The following SHPK variants were observed in gnomAD, a reference collection of about 807,000 sequenced individuals.
SHPK encodes the protein carbohydrate kinase-like protein.
In SHPK, 51 loss-of-function variants were observed where a neutral mutation model predicts 46.3. The observed-to-expected ratio is 1.10, with a 90% CI of 0.88 to 1.39. SHPK has a LOEUF of 1.39. Among genes scored for constraint, SHPK ranks in the 40% most tolerant of loss-of-function variants. The probability of loss-of-function intolerance (pLI) is 0.00; values close to 1 mark genes in which losing one functional copy is unlikely to be tolerated. For synonymous variants in SHPK, 290 were observed against 273.9 expected (o/e 1.06, Z -0.58); for missense variants, 668 against 641.3 (o/e 1.04, Z -0.45).
At chr17:3,628,134 C>A (rs2075449017) in intron 2 of SHPK, among the ~76,000 whole-genome samples, 1 of 152,040 alleles carries the variant, frequency 6.6e-6, no homozygotes, top group African/African-American at 2.4e-5. Context: ...TGCCGACTCT[C>A]CATGTAGAGA....
chr17:3,622,569 T>A (rs2075409362), intron 4 of SHPK: 1 of 985,022 alleles, frequency 1.0e-6, no homozygotes. Context: ...CTTTTTGTTT[T>A]ATTTCAGAGC....
intron 5 of SHPK, among the ~76,000 whole-genome samples, chr17:3,617,836 C>T (rs1231519545): frequency 6.6e-6 from 1 of 152,142 alleles, no homozygotes; most frequent in Non-Finnish European, 1.5e-5. Context: ...AAAAGGAGAA[C>T]TAGATAACTG....
At chr17:3,635,164 T>A (rs1220892156) in intron 1 of SHPK, among the ~76,000 whole-genome samples, 1 of 89,994 alleles carries the variant, frequency 1.1e-5, no homozygotes, top group African/African-American at 3.4e-5. Context: ...AGAGCGAGAC[T>A]TGGTAAGAAA....
Position 3,610,661 on chromosome 17 carries a change from T to G in SHPK, c.1336A>C (p.Arg446=). Residue 446 remains arginine (R), a synonymous_variant, in exon 7 of 7, where the codon AGG becomes CGG. Transcript: ENST00000225519. Reference sequence around the variant, plus strand: ...AAGGACATGGGCAAAGGGAAAGCCCTCTGCACCTCCTGCTTCAGCACGTCA... The same window carrying G: ...AAGGACATGGGCAAAGGGAAAGCCCGCTGCACCTCCTGCTTCAGCACGTCA... The part of the protein sequence containing the change: ...RNDVLKQEVQ[R]AFPLPMSFGQ... 6.2e-7 allele frequency: 1 copy of G among 1,614,020 alleles called. No homozygotes were observed. Among genetic ancestry groups the G allele is most frequent in the Non-Finnish European group, 8.5e-7 (1 of 1,180,010 alleles).
At chr17:3,625,389 G>A (rs1426998422) in intron 2 of SHPK, among the ~76,000 whole-genome samples, 1 of 152,172 alleles carries the variant, frequency 6.6e-6, no homozygotes, top group Non-Finnish European at 1.5e-5. Context: ...AAGTACTGCA[G>A]CTCCCGCCCA....
chr17:3,622,906 T>C (rs896167651), intron 4 of SHPK, among the ~76,000 whole-genome samples: 1 of 152,118 alleles, frequency 6.6e-6, no homozygotes, highest in Non-Finnish European at 1.5e-5. Flanking sequence ...GGTTTCGCCA[T>C]GTTGCCCAGG....
At chr17:3,622,670 G>T in intron 4 of SHPK, 1 of 764,016 alleles carries the variant, frequency 1.3e-6, no homozygotes, top group Non-Finnish European at 1.6e-6. Context: ...GAACTTAAAA[G>T]GCATCCTTCA....
intron 6 of SHPK, 85 bp downstream of exon 6, chr17:3,615,252 G>A (rs1016298265): frequency 2.4e-5 from 32 of 1,351,176 alleles, no homozygotes; most frequent in Middle Eastern, 1.8e-4. Context: ...CGCTGAAACC[G>A]CACATGAAGC....
intron 1 of SHPK, among the ~76,000 whole-genome samples, chr17:3,632,933 G>A (rs1364152796): frequency 1.4e-5 from 2 of 146,594 alleles, no homozygotes; most frequent in East Asian, 4.1e-4. Context: ...TGAGTGAAAA[G>A]TATGAACTTG....
At chr17:3,621,470 G>C in intron 4 of SHPK, 58 bp from the exon 5 acceptor site, 1 of 1,516,684 alleles carries the variant, frequency 6.6e-7, no homozygotes, top group Non-Finnish European at 9.0e-7. Flanking sequence ...GGAATTTAAG[G>C]GATCCTTCCT....
At chr17:3,619,544 C>A in intron 5 of SHPK, 2 of 498,216 alleles carry the variant, frequency 4.0e-6, no homozygotes, top group South Asian at 1.9e-5. Context: ...ACCATCCTGG[C>A]CAACATGGTG....
chr17:3,616,355 C>T (rs1419233833), intron 5 of SHPK, among the ~76,000 whole-genome samples: 4 of 152,306 alleles, frequency 2.6e-5, no homozygotes, highest in Admixed American at 1.3e-4. Flanking sequence ...GGTGCCACGT[C>T]GTGAGCAGCC....
intron 6 of SHPK, among the ~76,000 whole-genome samples, chr17:3,613,301 G>A (rs555936036): frequency 6.8e-6 from 1 of 146,264 alleles, no homozygotes; most frequent in Admixed American, 6.6e-5. Flanking sequence ...GGACCAGGAT[G>A]CAACGATGTT....
chr17:3,623,205 G>A, intron 4 of SHPK, 134 bp downstream of exon 4: 1 of 951,012 alleles, frequency 1.1e-6, no homozygotes, highest in Non-Finnish European at 1.6e-6. Flanking sequence ...CAGGCCAGGG[G>A]CACTGGACCC....
chr17:3,630,813 G>A (rs1302543033), intron 1 of SHPK, among the ~76,000 whole-genome samples: 2 of 152,132 alleles, frequency 1.3e-5, no homozygotes, highest in Non-Finnish European at 2.9e-5. Flanking sequence ...GCGGTGAGCC[G>A]AGATCACGCC....
rs1242957846 is a variant in SHPK, at chr17:3,628,114, C to T, written c.310+2091G>A. Among the ~76,000 whole-genome samples the T allele has an allele frequency of 2.0e-5, 3 of 152,180 alleles. No individual in the cohort carries two copies. In the East Asian group the frequency reaches 5.8e-4, roughly 30 times the overall value. On this transcript the variant is annotated intron_variant, in intron 2 of 6. Coordinates refer to ENST00000225519, the MANE Select transcript of SHPK (RefSeq NM_013276.4). The stretch of plus-strand genomic sequence containing the variant: ...AGGCAGGTCACCGTGCACTTCAGGG[C>T]ACTCTAAATTGCCGACTCTCCATGT...
At chr17:3,627,695 G>A (rs1193235939) in intron 2 of SHPK, among the ~76,000 whole-genome samples, 1 of 151,350 alleles carries the variant, frequency 6.6e-6, no homozygotes, top group African/African-American at 2.4e-5. Flanking sequence ...TCTTTCCAAC[G>A]ATGTGGCTGA....
intron 5 of SHPK, chr17:3,619,630 G>C (rs1472001691): frequency 1.4e-5 from 5 of 365,786 alleles, no homozygotes; most frequent in East Asian, 7.3e-5. Context: ...CTACTCGGGA[G>C]GACAAGGCAG....
chr17:3,631,956 T>C (rs1434849027), intron 1 of SHPK, among the ~76,000 whole-genome samples: 1 of 152,082 alleles, frequency 6.6e-6, no homozygotes, highest in Non-Finnish European at 1.5e-5. Flanking sequence ...GCTCCATTTG[T>C]AGGTTACATT....
Sources: gnomAD v4.1 joint callset for allele counts (sites outside exome capture counted in the v4.1 genomes callset) on GRCh38, gnomAD v4.1.1 for gene constraint, MANE v1.5 for transcripts, NCBI Gene and HGNC (gene_info 2026-07-23, HGNC 2026-07-21) for gene names.